Variants in DOCK1 observed in about 807,000 individuals in gnomAD.
The protein encoded by DOCK1 is dedicator of cytokinesis 1, also known as dedicator of cytokinesis protein 1.
In DOCK1, 138 loss-of-function variants were observed where a neutral mutation model predicts 262.7. The ratio of observed to expected loss-of-function variants is 0.53; its 90% CI spans 0.46 to 0.61. DOCK1 has a LOEUF of 0.61. DOCK1 is among the 20% of genes least tolerant of loss of function. The pLI is 0.00. For missense variants in DOCK1, 1,908 were observed against 2,370.7 expected, an observed-to-expected ratio of 0.80 and a Z score of 4.05; for synonymous variants, 866 against 867.4, an observed-to-expected ratio of 1.00 and a Z score of 0.03.
chr10:127,133,552 A>C (rs762814467), intron 27 of DOCK1, among the ~76,000 whole-genome samples: 1 of 152,126 alleles, frequency 6.6e-6, no homozygotes, highest in African/African-American at 2.4e-5. Flanking sequence ...AGCTACAGCA[A>C]TTTTAGGTTT....
intron 1 of DOCK1, among the ~76,000 whole-genome samples, chr10:126,929,750 A>G (rs2034042891): frequency 1.3e-5 from 2 of 152,130 alleles, no homozygotes; most frequent in African/African-American, 4.8e-5. Context: ...GCGGGAGGGC[A>G]CTTCAGGGCA....
intron 2 of DOCK1, among the ~76,000 whole-genome samples, chr10:126,977,220 G>T (rs1167517046): frequency 2.0e-5 from 3 of 152,208 alleles, no homozygotes; most frequent in Admixed American, 6.5e-5. Context: ...GGTGCCAGGG[G>T]TGTGGCTGGG....
chr10:127,305,522 C>T (rs2061841377), intron 29 of DOCK1, among the ~76,000 whole-genome samples: 2 of 152,114 alleles, frequency 1.3e-5, no homozygotes, highest in African/African-American at 4.8e-5. Flanking sequence ...TCTGGTCCAG[C>T]CATAAGGGCA....
At chr10:127,397,261 G>T (rs1286664907) in intron 38 of DOCK1, among the ~76,000 whole-genome samples, 2 of 142,226 alleles carry the variant, frequency 1.4e-5, no homozygotes, top group South Asian at 2.3e-4. Context: ...GAGTTACACG[G>T]GCGGCGACTC....
chr10:126,963,607 TCC>T (rs2037404508), intron 1 of DOCK1, among the ~76,000 whole-genome samples: 5 of 56,334 alleles, frequency 8.9e-5, no homozygotes, highest in Non-Finnish European at 1.5e-4. Flanking sequence ...TCCCTTCCCT[TCC>T]CTTCCCTTCC....
intron 29 of DOCK1, among the ~76,000 whole-genome samples, chr10:127,299,512 C>T (rs1257331056): frequency 6.6e-6 from 1 of 152,188 alleles, no homozygotes; most frequent in Non-Finnish European, 1.5e-5. Flanking sequence ...AGTGAAACAT[C>T]TGCAAGTCAA....
intron 29 of DOCK1, among the ~76,000 whole-genome samples, chr10:127,259,265 C>T (rs145912301): frequency 5.9e-5 from 9 of 152,344 alleles, no homozygotes; most frequent in African/African-American, 1.9e-4. Flanking sequence ...GTGGCCTTCT[C>T]TCAGCTTCTC....
At position 126,984,523 on chromosome 10, in the gene DOCK1, G is replaced by A. The variant is rs1591534081; in HGVS notation, c.227+2550G>A. ...CACCATGCCCAGCTAATTTTTGTGT[G>A]TGTGTGTGTGTGTTTTTTTTTTTTC... On this transcript the variant is annotated intron_variant, in intron 4 of 51. Transcript: ENST00000623213. Among the ~76,000 whole-genome samples, 3 of 149,962 alleles carry A rather than the reference G, an allele frequency of 2.0e-5. No individual in the cohort carries two copies. The Middle Eastern group carries it at 0.01, about 521-fold the overall frequency.
At chr10:127,290,444 G>A (rs1416735084) in intron 29 of DOCK1, among the ~76,000 whole-genome samples, 3 of 152,158 alleles carry the variant, frequency 2.0e-5, no homozygotes, top group African/African-American at 4.8e-5. Context: ...AATTAAAGAT[G>A]TCCACAGTTA....
At chr10:127,095,534 T>C (rs911693759) in intron 23 of DOCK1, among the ~76,000 whole-genome samples, 10 of 152,216 alleles carry the variant, frequency 6.6e-5, no homozygotes, top group Non-Finnish European at 1.3e-4. Flanking sequence ...AAACGGTCAT[T>C]GCTGCATGGC....
At position 127,184,408 on chromosome 10, in the gene DOCK1, T is replaced by C. The variant is rs567294234; in HGVS notation, c.2847+56644T>C. 3.3e-5 allele frequency among the ~76,000 whole-genome samples: 5 copies of C among 151,356 alleles called. No individual in the cohort carries two copies. The South Asian group carries it at 1.1e-3, about 32-fold the overall frequency. On this transcript the variant is annotated intron_variant, in intron 27 of 51. Coordinates refer to ENST00000623213, the MANE Select transcript of DOCK1 (RefSeq NM_001290223.2). ...GCTTCTCCTACTGATTTCTTCCCTT[T>C]AGTTCCACACTGTTCCCACCCTGAT...
At chr10:127,277,729 C>T (rs2060794279) in intron 29 of DOCK1, among the ~76,000 whole-genome samples, 1 of 152,140 alleles carries the variant, frequency 6.6e-6, no homozygotes, top group Admixed American at 6.5e-5. Flanking sequence ...TACCACGGTA[C>T]TCCAGCCTGG....
At chr10:127,117,067 A>G (rs898447282) in intron 25 of DOCK1, among the ~76,000 whole-genome samples, 1 of 152,210 alleles carries the variant, frequency 6.6e-6, no homozygotes, top group African/African-American at 2.4e-5. Context: ...ACCATTTGTT[A>G]TAACACTGCA....
intron 29 of DOCK1, among the ~76,000 whole-genome samples, chr10:127,309,691 T>G (rs922810443): frequency 6.6e-6 from 1 of 152,212 alleles, no homozygotes; most frequent in African/African-American, 2.4e-5. Flanking sequence ...ATTTATTAAA[T>G]AGGGAATGCT....
chr10:127,206,803 A>G (rs1043599129), intron 27 of DOCK1, among the ~76,000 whole-genome samples: 26 of 152,222 alleles, frequency 1.7e-4, no homozygotes, highest in African/African-American at 6.0e-4. Flanking sequence ...AGCTGGTCTT[A>G]CGGAATAGTG....
chr10:127,357,994 G>GT (rs5788837), intron 32 of DOCK1, among the ~76,000 whole-genome samples: 192 of 147,608 alleles, frequency 1.3e-3, no homozygotes, highest in African/African-American at 1.9e-3. Flanking sequence ...TTTCTACATA[G>GT]TTTTTTTTTT....
chr10:127,286,238 G>C (rs998552374), intron 29 of DOCK1, among the ~76,000 whole-genome samples: 1 of 151,652 alleles, frequency 6.6e-6, no homozygotes, highest in Non-Finnish European at 1.5e-5. Flanking sequence ...CTTTTTGTTT[G>C]TCTGAAAAAG....
chr10:127,291,893 A>C (rs1208756180), intron 29 of DOCK1, among the ~76,000 whole-genome samples: 1 of 152,162 alleles, frequency 6.6e-6, no homozygotes, highest in East Asian at 1.9e-4. Context: ...TGTGTGAGGA[A>C]ATAGGCCCTC....
At chr10:127,421,045 T>C (rs1297436716) in intron 46 of DOCK1, among the ~76,000 whole-genome samples, 1 of 151,972 alleles carries the variant, frequency 6.6e-6, no homozygotes, top group Non-Finnish European at 1.5e-5. Flanking sequence ...GCCTTCCAAG[T>C]AGCTGGGACT....
Sources: allele counts gnomAD v4.1 joint callset (sites outside exome capture counted in the v4.1 genomes callset), GRCh38; gene constraint gnomAD v4.1.1; transcripts MANE v1.5; gene names NCBI Gene and HGNC (gene_info 2026-07-23, HGNC 2026-07-21).